HCN1: variants seen among roughly 807,000 people sequenced by gnomAD.
HCN1 encodes potassium/sodium hyperpolarization-activated cyclic nucleotide-gated channel 1.
A neutral mutation model predicts 78.9 loss-of-function variants in HCN1; 13 were observed. That is an observed-to-expected ratio of 0.16 (90% CI 0.11 to 0.26). The LOEUF is 0.26. Ranked by LOEUF, HCN1 falls within the 10% of genes least tolerant of loss-of-function variation. The probability of loss-of-function intolerance (pLI) is 1.00; values close to 1 mark genes in which losing one functional copy is unlikely to be tolerated. For missense variants in HCN1, 810 were observed against 1,154.3 expected (o/e 0.70, Z 4.32); for synonymous variants, 552 against 455.5 (o/e 1.21, Z -2.70).
At position 45,647,828 on chromosome 5, in the gene HCN1, C is replaced by T. The variant is rs927118461; in HGVS notation, c.426-2220G>A. 2.0e-5 allele frequency among the ~76,000 whole-genome samples: 3 copies of T among 152,136 alleles called. No homozygotes were observed. The East Asian group carries it at 5.8e-4, about 29-fold the overall frequency. On this transcript the variant is annotated intron_variant, in intron 1 of 7. Coordinates refer to ENST00000303230, the MANE Select transcript of HCN1 (RefSeq NM_021072.4). The stretch of plus-strand genomic sequence containing the variant: ...GAGCCATCCTAAATAACTCCTGGCC[C>T]TAAATCTGCTCAAACCCATATCCAA...
chr5:45,371,792 C>A (rs1207584688), intron 4 of HCN1, among the ~76,000 whole-genome samples: 1 of 139,232 alleles, frequency 7.2e-6, no homozygotes, highest in Non-Finnish European at 1.5e-5. Flanking sequence ...TACACACACA[C>A]ATACACACAC....
intron 4 of HCN1, among the ~76,000 whole-genome samples, chr5:45,358,130 C>T (rs1349831177): frequency 6.6e-6 from 1 of 151,950 alleles, no homozygotes; most frequent in Non-Finnish European, 1.5e-5. Context: ...ATTACCCGAT[C>T]TTAGGTTTTC....
At chr5:45,351,948 A>C (rs919607522) in intron 5 of HCN1, among the ~76,000 whole-genome samples, 3 of 152,144 alleles carry the variant, frequency 2.0e-5, no homozygotes, top group South Asian at 2.1e-4. Flanking sequence ...ACTAGTTCAA[A>C]CATTGTGAAA....
chr5:45,626,256 C>T (rs1745161235), intron 2 of HCN1, among the ~76,000 whole-genome samples: 1 of 152,124 alleles, frequency 6.6e-6, no homozygotes, highest in African/African-American at 2.4e-5. Flanking sequence ...TCTAATAATG[C>T]TTCTTTGTTG....
At chr5:45,359,724 C>T (rs1233059946) in intron 4 of HCN1, among the ~76,000 whole-genome samples, 1 of 151,700 alleles carries the variant, frequency 6.6e-6, no homozygotes, top group African/African-American at 2.4e-5. Context: ...CCTACAGCAT[C>T]AGATGAAAGG....
intron 2 of HCN1, among the ~76,000 whole-genome samples, chr5:45,570,350 G>T (rs1469023592): frequency 6.6e-6 from 1 of 152,030 alleles, no homozygotes; most frequent in Non-Finnish European, 1.5e-5. Context: ...CTGGAACATG[G>T]AATCTACTGA....
intron 3 of HCN1, among the ~76,000 whole-genome samples, chr5:45,439,237 A>C (rs2112084614): frequency 6.6e-6 from 1 of 152,250 alleles, no homozygotes; most frequent in Non-Finnish European, 1.5e-5. Flanking sequence ...TTTTAGTGTA[A>C]GTTTCTCTCT....
Position 45,293,659 on chromosome 5 carries a change from CAAAAT to C in HCN1, c.1618+9935_1618+9939del, listed in dbSNP as rs1240192426. Among the ~76,000 whole-genome samples, 3 of 151,950 alleles carry C rather than the reference CAAAAT, an allele frequency of 2.0e-5. No homozygotes were observed. The East Asian group carries it at 5.8e-4, about 30-fold the overall frequency. The stretch of plus-strand genomic sequence containing the variant: ...TAAAAAGAGAAAGACATTTTGACTT[CAAAAT>C]AAAATGTCTTCTTAATGTTCATCCT... On this transcript the variant is annotated intron_variant, in intron 6 of 7. Transcript: ENST00000303230.
intron 2 of HCN1, among the ~76,000 whole-genome samples, chr5:45,594,492 A>G (rs929798451): frequency 2.0e-5 from 3 of 152,202 alleles, no homozygotes; most frequent in Non-Finnish European, 4.4e-5. Context: ...AGCTTTCTCA[A>G]ATGAAAAGTA....
chr5:45,443,316 A>G (rs1283714168), intron 3 of HCN1, among the ~76,000 whole-genome samples: 1 of 152,054 alleles, frequency 6.6e-6, no homozygotes, highest in Non-Finnish European at 1.5e-5. Context: ...TTTTCTTGCT[A>G]TTTGAACTTT....
intron 4 of HCN1, among the ~76,000 whole-genome samples, chr5:45,394,762 G>A (rs1554022586): frequency 6.6e-6 from 1 of 151,992 alleles, no homozygotes; most frequent in Non-Finnish European, 1.5e-5. Flanking sequence ...GTTGTAGTGA[G>A]CTGAGATTGC....
chr5:45,343,504 C>A (rs1396487424), intron 5 of HCN1, among the ~76,000 whole-genome samples: 2 of 152,082 alleles, frequency 1.3e-5, no homozygotes, highest in Non-Finnish European at 2.9e-5. Flanking sequence ...TAATTGATAG[C>A]ATTTGATGAT....
At chr5:45,640,259 CTT>C (rs1269645587) in intron 2 of HCN1, among the ~76,000 whole-genome samples, 1 of 152,108 alleles carries the variant, frequency 6.6e-6, no homozygotes, top group Middle Eastern at 3.2e-3. Flanking sequence ...CGGATACTCT[CTT>C]ATTATTATTT....
At chr5:45,350,679 T>A (rs1251994540) in intron 5 of HCN1, among the ~76,000 whole-genome samples, 2 of 150,888 alleles carry the variant, frequency 1.3e-5, no homozygotes, top group African/African-American at 4.9e-5. Context: ...CAGCAAAGTC[T>A]CAGGATACAA....
At chr5:45,455,232 G>A (rs1741006236) in intron 3 of HCN1, among the ~76,000 whole-genome samples, 1 of 152,006 alleles carries the variant, frequency 6.6e-6, no homozygotes, top group African/African-American at 2.4e-5. Context: ...CAGAAAAAAG[G>A]GGAGTAATTC....
At chr5:45,282,774 C>T (rs1048376684) in intron 6 of HCN1, among the ~76,000 whole-genome samples, 1 of 152,146 alleles carries the variant, frequency 6.6e-6, no homozygotes, top group African/African-American at 2.4e-5. Flanking sequence ...CAATCAGCTC[C>T]AGTAATGCTC....
intron 4 of HCN1, among the ~76,000 whole-genome samples, chr5:45,384,327 G>T (rs771736087): frequency 2.0e-5 from 3 of 152,050 alleles, no homozygotes; most frequent in Non-Finnish European, 4.4e-5. Flanking sequence ...ATCCAATATA[G>T]TCACAGAAAA....
rs13157692 is a variant in HCN1 at position 45,395,393 on chromosome 5, A to G, written c.1230+1099T>C. Among the ~76,000 whole-genome samples, 67 of 152,286 alleles carry G rather than the reference A, an allele frequency of 4.4e-4. 2 individuals are homozygous for G. Among genetic ancestry groups the G allele is most frequent in the South Asian group, 2.1e-4 (1 of 4,822 alleles). On this transcript the variant is annotated intron_variant, in intron 4 of 7. Transcript: ENST00000303230. The stretch of plus-strand genomic sequence containing the variant: ...CCAATTCATTTGGAGACTATTTAAA[A>G]ATGAACCTCAAACCAATTTTTGTGG...
At chr5:45,382,053 C>T (rs1427613367) in intron 4 of HCN1, among the ~76,000 whole-genome samples, 1 of 152,144 alleles carries the variant, frequency 6.6e-6, no homozygotes, top group East Asian at 1.9e-4. Flanking sequence ...TAGCCTCTTC[C>T]CATCTCAGCG....
Sources: gnomAD v4.1 joint callset for allele counts (sites outside exome capture counted in the v4.1 genomes callset) on GRCh38, gnomAD v4.1.1 for gene constraint, MANE v1.5 for transcripts, NCBI Gene and HGNC (gene_info 2026-07-23, HGNC 2026-07-21) for gene names.